EPHB2: variants seen among roughly 807,000 people sequenced by gnomAD.
EPHB2 encodes the protein ephrin type-B receptor 2.
A neutral mutation model predicts 96.4 loss-of-function variants in EPHB2; 18 were observed. The observed-to-expected ratio is 0.19, with a 90% CI of 0.13 to 0.28. The LOEUF is 0.28. Among genes scored for constraint, EPHB2 ranks in the 10% least tolerant of loss-of-function variants. The pLI is 1.00. For synonymous variants in EPHB2, 506 were observed against 534.1 expected (o/e 0.95, Z 0.72); for missense variants, 989 against 1,355.4 (o/e 0.73, Z 4.25).
At chr1:22,895,710 A>G in intron 8 of EPHB2, 130 bp downstream of exon 8, 1 of 850,330 alleles carries the variant, frequency 1.2e-6, no homozygotes, top group Non-Finnish European at 1.9e-6. Context: ...AGATGTGGGT[A>G]GGAAGTGGAA....
At position 22,906,618 on chromosome 1, in the gene EPHB2, G is replaced by T. The variant is rs752669084; in HGVS notation, c.1889-92G>T. 17 of 1,581,424 alleles carry T rather than the reference G, an allele frequency of 1.1e-5. No individual in the cohort carries two copies. The highest frequency in any genetic ancestry group is 1.2e-5 in the Non-Finnish European group (14 of 1,162,670). On this transcript the variant is annotated intron_variant, in intron 10 of 15. Transcript: ENST00000374630. This position sits in a 1 kb window ranked among gnomAD's most constrained non-coding sequence, Gnocchi z 4.8. The stretch of plus-strand genomic sequence containing the variant: ...GGGCCATTGAGAAGAAAATGTACCT[G>T]CAGGCCCCGTGAGTGGACATGACAG...
intron 12 of EPHB2, 23 bp downstream of exon 12, chr1:22,908,191 C>T (rs752794696): frequency 3.7e-6 from 6 of 1,613,326 alleles, no homozygotes; most frequent in Middle Eastern, 1.6e-4. Flanking sequence ...CAGGGAACAC[C>T]GGAGTCACAG....
At chr1:22,836,130 C>T (rs1243807892) in intron 3 of EPHB2, 1 of 152,268 alleles carries the variant, frequency 6.6e-6, no homozygotes, top group Non-Finnish European at 1.5e-5. Context: ...CACAGAGCAG[C>T]CTCTCCAGAG....
In EPHB2 at chr1:22,863,107, G is replaced by T; in HGVS notation, c.882G>T (p.Arg294=). ...EACTHCPINS[R]TTSEGATNCV... is the part of the protein sequence containing the mutation. ...GTACCCACTGTCCCATCAACAGCCG[G>T]ACCACTTCTGAAGGGGCCACCAACT... Residue 294 remains arginine, a synonymous_variant, in exon 4 of 16, where the codon CGG becomes CGT. Coordinates refer to ENST00000374630, the MANE Select transcript of EPHB2 (RefSeq NM_017449.5). 6.2e-7 allele frequency: 1 copy of T among 1,614,180 alleles called. No individual in the cohort carries two copies. The highest frequency in any genetic ancestry group is 8.5e-7 in the Non-Finnish European group (1 of 1,180,028).
intron 3 of EPHB2, among the ~76,000 whole-genome samples, chr1:22,808,936 C>T (rs1644966651): frequency 1.3e-5 from 2 of 152,244 alleles, no homozygotes; most frequent in South Asian, 2.1e-4. Flanking sequence ...CCAGAGCTGG[C>T]CACCCTGCGG....
chr1:22,857,309 C>T (rs951146715), intron 3 of EPHB2, among the ~76,000 whole-genome samples: 3 of 152,146 alleles, frequency 2.0e-5, no homozygotes, highest in Non-Finnish European at 4.4e-5. Context: ...GCATATGGAG[C>T]ATGTCTTGGG....
In EPHB2 at chr1:22,921,159, T is replaced by C. The variant is rs1640387781; in HGVS notation, c.*7589T>C. On this transcript the variant is annotated 3_prime_UTR_variant, in exon 16 of 16. Transcript: ENST00000374630. ...CAGAGCCATGGGCTGTGGGAGTGAG[T>C]GTGCACACTCCTTCTCCTGAAGTGT... is the stretch of plus-strand genomic sequence containing the variant. 6.6e-6 allele frequency: 1 copy of C among 152,092 alleles called. No individual in the cohort carries two copies. Among genetic ancestry groups the C allele is most frequent in the African/African-American group, 2.4e-5 (1 of 41,390 alleles). The allele number at this position is 152,092 out of a possible 1,614,324, so 9.4% of individuals were successfully genotyped here.
chr1:22,718,312 TC>T (rs1643343896), intron 1 of EPHB2, among the ~76,000 whole-genome samples: 1 of 150,052 alleles, frequency 6.7e-6, no homozygotes, highest in South Asian at 2.1e-4. Context: ...GGCTGTACCC[TC>T]CTTCTTTGCC....
At chr1:22,866,743 G>A (rs1322911476) in intron 5 of EPHB2, among the ~76,000 whole-genome samples, 1 of 152,108 alleles carries the variant, frequency 6.6e-6, no homozygotes, top group Non-Finnish European at 1.5e-5. Flanking sequence ...AGACCAACCT[G>A]GCCAACATGG....
At chr1:22,736,524 C>T (rs984950316) in intron 1 of EPHB2, among the ~76,000 whole-genome samples, 1 of 152,218 alleles carries the variant, frequency 6.6e-6, no homozygotes, top group Non-Finnish European at 1.5e-5. Flanking sequence ...AAGCATGGTT[C>T]CCTGGGGGTG....
At chr1:22,780,289 G>T (rs1644510712) in intron 1 of EPHB2, among the ~76,000 whole-genome samples, 1 of 152,188 alleles carries the variant, frequency 6.6e-6, no homozygotes, top group Admixed American at 6.5e-5. Flanking sequence ...AGGCCACATG[G>T]CTCCCTGCAG....
At chr1:22,769,417 T>G (rs974551498) in intron 1 of EPHB2, among the ~76,000 whole-genome samples, 5 of 148,464 alleles carry the variant, frequency 3.4e-5, no homozygotes, top group Non-Finnish European at 7.5e-5. Flanking sequence ...TCTTTTTCTT[T>G]TTTGAGACAG....
chr1:22,757,125 G>C (rs1312895975), intron 1 of EPHB2, among the ~76,000 whole-genome samples: 1 of 152,072 alleles, frequency 6.6e-6, no homozygotes, highest in Non-Finnish European at 1.5e-5. Flanking sequence ...GGGGGTGATG[G>C]TGGGTGGGAG....
chr1:22,845,980 G>A (rs1171734256), intron 3 of EPHB2, among the ~76,000 whole-genome samples: 4 of 151,894 alleles, frequency 2.6e-5, no homozygotes, highest in Admixed American at 2.0e-4. Flanking sequence ...TGAGTTTTGG[G>A]GATGGGAGTA....
Position 22,902,165 on chromosome 1 carries a change from C to T in EPHB2, c.1766-3822C>T, listed in dbSNP as rs550698410. On this transcript the variant is annotated intron_variant, in intron 9 of 15. Coordinates refer to ENST00000374630, the MANE Select transcript of EPHB2 (RefSeq NM_017449.5). The stretch of plus-strand genomic sequence containing the variant: ...TATGCCAATTTCCTCGTCTGAAAAA[C>T]AGGCATCACATGTGATTGTACCAAA... 9.8e-5 allele frequency among the ~76,000 whole-genome samples: 15 copies of T among 152,296 alleles called. 1 individual carries two copies. The South Asian group carries it at 2.7e-3, about 27-fold the overall frequency.
At chr1:22,768,012 G>C (rs145927073) in intron 1 of EPHB2, among the ~76,000 whole-genome samples, 2 of 152,176 alleles carry the variant, frequency 1.3e-5, no homozygotes, top group Non-Finnish European at 2.9e-5. Context: ...GAGAGCCCAG[G>C]GAGTCACACT....
rs369217849 is a variant in EPHB2, at chr1:22,780,317, G to A, written c.62-1104G>A. ...CCCTGCAGCTGCTGGAATCGGGGGA[G>A]GCAAGTGGGGCCCAGGATGGTCCAG... On this transcript the variant is annotated intron_variant, in intron 1 of 15. Coordinates refer to ENST00000374630, the MANE Select transcript of EPHB2 (RefSeq NM_017449.5). Among the ~76,000 whole-genome samples the A allele has an allele frequency of 7.5e-4, 114 of 152,304 alleles. 1 individual carries two copies. The highest frequency in any genetic ancestry group is 2.5e-3 in the African/African-American group (105 of 41,578).
At chr1:22,877,041 C>T (rs762479965) in intron 5 of EPHB2, among the ~76,000 whole-genome samples, 1 of 152,144 alleles carries the variant, frequency 6.6e-6, no homozygotes, top group Admixed American at 6.5e-5. Context: ...GGTGAGTCAG[C>T]GGGAACCAGG....
intron 3 of EPHB2, among the ~76,000 whole-genome samples, chr1:22,808,341 G>A (rs1644956151): frequency 6.6e-6 from 1 of 152,190 alleles, no homozygotes; most frequent in Non-Finnish European, 1.5e-5. Flanking sequence ...CTCAGCCAGT[G>A]CCTGGCACAG....
Sources: gnomAD v4.1 joint callset for allele counts (sites outside exome capture counted in the v4.1 genomes callset) on GRCh38, gnomAD v4.1.1 for gene constraint, Gnocchi (gnomAD v3.1) non-coding constraint, MANE v1.5 for transcripts, NCBI Gene and HGNC (gene_info 2026-07-23, HGNC 2026-07-21) for gene names.